Variants in SEC24B observed in about 807,000 individuals in gnomAD.
The protein encoded by SEC24B is SEC24 homolog B, COPII component.
SEC24B carries 45 observed loss-of-function variants against 142.8 expected under a neutral mutation model. That is an observed-to-expected ratio of 0.32 (90% CI 0.25 to 0.40). The LOEUF (loss-of-function observed/expected upper bound fraction) is 0.40, where lower values mean the gene tolerates loss of function less well. Ranked by LOEUF, SEC24B falls within the 10% of genes least tolerant of loss-of-function variation. The probability of loss-of-function intolerance (pLI) is 1.00; values close to 1 mark genes in which losing one functional copy is unlikely to be tolerated. For missense variants in SEC24B, 1,409 were observed against 1,526.8 expected (o/e 0.92, Z 1.29); for synonymous variants, 574 against 568.2 (o/e 1.01, Z -0.15).
chr4:109,467,927 A>G (rs1274232332), intron 2 of SEC24B, among the ~76,000 whole-genome samples: 1 of 152,210 alleles, frequency 6.6e-6, no homozygotes, highest in East Asian at 1.9e-4. Flanking sequence ...TTCACAGTTG[A>G]TCTTAGCCAA....
intron 1 of SEC24B, among the ~76,000 whole-genome samples, chr4:109,444,472 ATT>A (rs796951465): frequency 0.16 from 20,566 of 128,144 alleles, 3,509 homozygotes; most frequent in African/African-American, 0.45. Context: ...AGATCCTGTG[ATT>A]TTTTTTTTTT....
intron 1 of SEC24B, among the ~76,000 whole-genome samples, chr4:109,460,335 T>C (rs1731125157): frequency 6.6e-6 from 1 of 152,170 alleles, no homozygotes; most frequent in Admixed American, 6.5e-5. Context: ...GGTACTTCCT[T>C]TGTGTACTTG....
intron 22 of SEC24B, among the ~76,000 whole-genome samples, chr4:109,534,791 C>T (rs1725328801): frequency 6.6e-6 from 1 of 152,166 alleles, no homozygotes; most frequent in Non-Finnish European, 1.5e-5. Context: ...TCTCTTACCT[C>T]AGCCTCCTGA....
chr4:109,539,197 G>C (rs562606911), intron 23 of SEC24B, among the ~76,000 whole-genome samples: 2 of 151,958 alleles, frequency 1.3e-5, no homozygotes, highest in Admixed American at 1.3e-4. Flanking sequence ...CCTCACCTCA[G>C]GTGATCCACC....
At chr4:109,467,348 G>C (rs998342764) in intron 2 of SEC24B, among the ~76,000 whole-genome samples, 3 of 140,712 alleles carry the variant, frequency 2.1e-5, no homozygotes, top group African/African-American at 5.2e-5. Context: ...AAAAAAAAAA[G>C]TCCGCTCCAA....
At chr4:109,480,086 A>T (rs1049519145) in intron 3 of SEC24B, among the ~76,000 whole-genome samples, 3 of 152,144 alleles carry the variant, frequency 2.0e-5, no homozygotes, top group Non-Finnish European at 4.4e-5. Context: ...TATTTTACCG[A>T]TATTAAAAGA....
At chr4:109,456,142 G>T (rs1320894033) in intron 1 of SEC24B, among the ~76,000 whole-genome samples, 2 of 152,054 alleles carry the variant, frequency 1.3e-5, no homozygotes, top group Middle Eastern at 3.4e-3. Context: ...TATTATAAAT[G>T]ATACTGTTTT....
Position 109,433,944 on chromosome 4 carries a change from C to T in SEC24B, c.75C>T (p.Val25=), listed in dbSNP as rs977453393. ...RIPPKFGGAA[V]SGAAAPAGPG... Reference sequence around the variant, plus strand: ...CGCCCAAGTTCGGCGGAGCGGCCGTCTCAGGAGCCGCAGCGCCCGCGGGCC... The same window carrying T: ...CGCCCAAGTTCGGCGGAGCGGCCGTTTCAGGAGCCGCAGCGCCCGCGGGCC... The change falls in exon 1 of 24, where the codon GTC becomes GTT. Residue 25 remains valine (V), a synonymous_variant. Coordinates refer to ENST00000265175, the MANE Select transcript of SEC24B (RefSeq NM_006323.5). 1 of 1,263,192 alleles carries T rather than the reference C, an allele frequency of 7.9e-7. No homozygotes were observed. Among genetic ancestry groups the T allele is most frequent in the African/African-American group, 1.6e-5 (1 of 63,834 alleles). The allele number at this position is 1,263,192 out of a possible 1,614,324, so 78.2% of individuals were successfully genotyped here.
chr4:109,533,941 C>T (rs1445142907), intron 22 of SEC24B, among the ~76,000 whole-genome samples: 1 of 152,004 alleles, frequency 6.6e-6, no homozygotes, highest in African/African-American at 2.4e-5. Flanking sequence ...TTTGCCTGTT[C>T]TGGATATGTT....
chr4:109,460,851 A>C (rs2125927851), intron 1 of SEC24B, among the ~76,000 whole-genome samples: 1 of 151,796 alleles, frequency 6.6e-6, no homozygotes, highest in African/African-American at 2.4e-5. Context: ...TATCAAAGAT[A>C]TATAAAGATG....
In SEC24B at chr4:109,532,689, A is replaced by G; in HGVS notation, c.3441A>G (p.Lys1147=). The G allele has an allele frequency of 6.2e-7, 1 of 1,613,478 alleles. No individual in the cohort carries two copies. The highest frequency in any genetic ancestry group is 1.1e-5 in the South Asian group (1 of 91,070). The change falls in exon 21 of 24, where the codon AAA becomes AAG. Residue 1147 remains lysine, a synonymous_variant. Transcript: ENST00000265175. Reference sequence around the variant, plus strand: ...TTGTACCACAGCCACCTCTTCAAAAATTGTCTGCAGAGAAGCTGACAAGAG... The same window carrying G: ...TTGTACCACAGCCACCTCTTCAAAAGTTGTCTGCAGAGAAGCTGACAAGAG... ...DRIVPQPPLQ[K]LSAEKLTREG... is the part of the protein sequence containing the mutation.
chr4:109,482,979 T>TATATATATATATATATATACAC (rs781527364), intron 4 of SEC24B, among the ~76,000 whole-genome samples: 1 of 26,418 alleles, frequency 3.8e-5, no homozygotes, highest in African/African-American at 1.2e-4. Context: ...TATATATATA[T>TATATATATATATATATATACAC]ACACACACAC....
rs747917984 is a variant in SEC24B at position 109,473,187 on chromosome 4, G to T, written c.1060+1G>T. On this transcript the variant is annotated splice_donor_variant, in intron 3 of 23. Coordinates refer to ENST00000265175, the MANE Select transcript of SEC24B (RefSeq NM_006323.5). LOFTEE classifies it high-confidence loss of function. ...CCATCAGAGCTATTACAACAAAAAG[G>T]TATTTGAGATATTTATTATTGTATA... 2 of 1,553,626 alleles carry T rather than the reference G, an allele frequency of 1.3e-6. No homozygotes were observed. The highest frequency in any genetic ancestry group is 1.2e-5 in the South Asian group (1 of 81,752).
Position 109,533,620 on chromosome 4 carries a change from T to G in SEC24B, c.3523T>G (p.Cys1175Gly). 6.2e-7 allele frequency: 1 copy of G among 1,611,136 alleles called. No homozygotes were observed. The highest frequency in any genetic ancestry group is 8.5e-7 in the Non-Finnish European group (1 of 1,178,714). ...TTTTTACATTTGGGTTGGGAAAGGCTGTGACAATAACTTCATAGAGGATGT... is the reference window on the plus strand; with the variant it reads ...TTTTTACATTTGGGTTGGGAAAGGCGGTGACAATAACTTCATAGAGGATGT... ...SVFYIWVGKG[C>G]DNNFIEDVLG... The change falls in exon 22 of 24, where the codon TGT becomes GGT. Residue 1175 changes from cysteine to glycine, a missense_variant. Physicochemically the swap from Cys to Gly is radical, Grantham distance 159. Coordinates refer to ENST00000265175, the MANE Select transcript of SEC24B (RefSeq NM_006323.5).
intron 1 of SEC24B, among the ~76,000 whole-genome samples, chr4:109,455,819 T>G (rs1730610974): frequency 6.6e-6 from 1 of 152,016 alleles, no homozygotes; most frequent in Non-Finnish European, 1.5e-5. Context: ...TTGGGTAATG[T>G]GAGTCTTCCA....
intron 1 of SEC24B, among the ~76,000 whole-genome samples, chr4:109,442,305 T>C (rs1446087007): frequency 6.6e-6 from 1 of 152,202 alleles, no homozygotes; most frequent in Non-Finnish European, 1.5e-5. Flanking sequence ...AGGTTTGGGC[T>C]AGCATGGTGG....
intron 1 of SEC24B, among the ~76,000 whole-genome samples, chr4:109,448,778 A>G (rs1729741742): frequency 6.6e-6 from 1 of 152,208 alleles, no homozygotes; most frequent in African/African-American, 2.4e-5. Flanking sequence ...GGAAATTAAC[A>G]TTGGTGAAAT....
chr4:109,503,047 G>C (rs1381424693), intron 6 of SEC24B, among the ~76,000 whole-genome samples: 1 of 148,292 alleles, frequency 6.7e-6, no homozygotes, highest in Non-Finnish European at 1.5e-5. Context: ...TAGTTATTTT[G>C]TAATTTCTTT....
rs560386020 is a variant in SEC24B, at chr4:109,503,891, A to G, written c.1489-2437A>G. Among the ~76,000 whole-genome samples, 4 of 152,058 alleles carry G rather than the reference A, an allele frequency of 2.6e-5. No individual in the cohort carries two copies. In the South Asian group the frequency reaches 6.2e-4, roughly 24 times the overall value. On this transcript the variant is annotated intron_variant, in intron 6 of 23. Transcript: ENST00000265175. The stretch of plus-strand genomic sequence containing the variant: ...CCCTTAGTTCACTATCATTTATTAG[A>G]TAATGTATCTTCTCTCTCTGATTAA...
Sources: allele counts gnomAD v4.1 joint callset (sites outside exome capture counted in the v4.1 genomes callset), GRCh38; gene constraint gnomAD v4.1.1; transcripts MANE v1.5; gene names NCBI Gene and HGNC (gene_info 2026-07-23, HGNC 2026-07-21).